CLVS2: variants seen among roughly 807,000 people sequenced by gnomAD.
CLVS2 encodes clavesin 2.
Under a neutral mutation model 29.0 loss-of-function variants are expected in CLVS2, and 19 were observed. The observed-to-expected ratio is 0.66, with a 90% confidence interval of 0.46 to 0.96. The LOEUF is 0.96. CLVS2 is among the 40% of genes least tolerant of loss of function. The pLI is 0.00. For synonymous variants in CLVS2, 161 were observed against 151.3 expected (o/e 1.06, Z -0.47); for missense variants, 294 against 404.1 (o/e 0.73, Z 2.34).
intron 3 of CLVS2, among the ~76,000 whole-genome samples, chr6:123,026,902 G>A (rs571417928): frequency 6.6e-6 from 1 of 152,110 alleles, no homozygotes; most frequent in Non-Finnish European, 1.5e-5. Context: ...TAAACAATAT[G>A]CATTGTTCTT....
At chr6:123,021,507 C>T (rs1368910331) in intron 3 of CLVS2, among the ~76,000 whole-genome samples, 1 of 151,526 alleles carries the variant, frequency 6.6e-6, no homozygotes, top group East Asian at 1.9e-4. Flanking sequence ...GTTCTTAGTC[C>T]TCTGTATATA....
intron 2 of CLVS2, among the ~76,000 whole-genome samples, chr6:123,002,273 A>G (rs944955690): frequency 2.0e-5 from 3 of 152,148 alleles, no homozygotes; most frequent in African/African-American, 7.2e-5. Context: ...GAAGCTCTGG[A>G]AGGGGCAGAA....
At position 122,997,827 on chromosome 6, in the gene CLVS2, G is replaced by T. The variant is rs777766688; in HGVS notation, c.50G>T (p.Arg17Leu). The change falls in exon 2 of 6, where the codon CGC (arginine) becomes CTC (leucine). Residue 17 changes from arginine to leucine, a missense_variant. By Grantham distance (102) the Arg-to-Leu change is moderately radical. Around this residue, in one of 2 missense-constraint regions of CLVS2, gnomAD observed 212 missense variants for 336.4 expected, o/e 0.63. Transcript: ENST00000275162. ...GLSPETLEKARLELNENPDTL... is the reference protein window; with the variant it reads ...GLSPETLEKALLELNENPDTL... ...TCCCCTGAGACCCTGGAGAAAGCTC[G>T]CCTGGAGCTCAATGAAAACCCAGAC... 5 of 1,614,038 alleles carry T rather than the reference G, an allele frequency of 3.1e-6. No homozygotes were observed. The highest frequency in any genetic ancestry group is 3.4e-6 in the Non-Finnish European group (4 of 1,179,992).
At chr6:123,009,208 G>A (rs994360197) in intron 2 of CLVS2, among the ~76,000 whole-genome samples, 3 of 151,964 alleles carry the variant, frequency 2.0e-5, no homozygotes, top group Non-Finnish European at 4.4e-5. Flanking sequence ...CATGGCCAAT[G>A]AGATAATGAG....
chr6:123,059,868 G>T (rs1418488474), intron 5 of CLVS2, among the ~76,000 whole-genome samples: 2 of 152,108 alleles, frequency 1.3e-5, no homozygotes, highest in East Asian at 1.9e-4. Flanking sequence ...TACACACTTT[G>T]CTTGTAGCCC....
In CLVS2 at chr6:123,048,797, T is replaced by C. The variant is rs1772560486; in HGVS notation, c.675+65T>C. 3.2e-5 allele frequency: 30 copies of C among 948,122 alleles called. No individual in the cohort carries two copies. In the South Asian group the frequency reaches 3.6e-4, roughly 11 times the overall value. 58.7% of individuals were successfully genotyped at this position (948,122 alleles called of 1,614,324 possible). On this transcript the variant is annotated intron_variant, in intron 4 of 5. Coordinates refer to ENST00000275162, the MANE Select transcript of CLVS2 (RefSeq NM_001010852.4). ...ATCCAATGAATTATAATGCATAATG[T>C]GTATATAATGTTAGCTATAGTAAAA...
intron 1 of CLVS2, among the ~76,000 whole-genome samples, 177 bp downstream of exon 1, chr6:122,996,923 A>T (rs1055451218): frequency 6.6e-6 from 1 of 151,206 alleles, no homozygotes. Flanking sequence ...CCCCGCGGCA[A>T]GTCCGTGGAA....
intron 4 of CLVS2, among the ~76,000 whole-genome samples, chr6:123,049,640 C>T (rs1246423121): frequency 6.6e-6 from 1 of 152,152 alleles, no homozygotes; most frequent in African/African-American, 2.4e-5. Context: ...ATTAGTTCCA[C>T]AGCAAAATAC....
At chr6:123,027,781 G>T (rs1199261388) in intron 3 of CLVS2, among the ~76,000 whole-genome samples, 1 of 152,058 alleles carries the variant, frequency 6.6e-6, no homozygotes, top group Admixed American at 6.6e-5. Flanking sequence ...AATTTAGAAT[G>T]CTGCTTAAAG....
chr6:123,059,565 C>T (rs965673705), intron 5 of CLVS2, among the ~76,000 whole-genome samples: 1 of 152,150 alleles, frequency 6.6e-6, no homozygotes, highest in Non-Finnish European at 1.5e-5. Context: ...CTGGTATTGG[C>T]ACTTGCATTT....
At chr6:123,054,079 T>C (rs1772655635) in intron 4 of CLVS2, among the ~76,000 whole-genome samples, 2 of 152,018 alleles carry the variant, frequency 1.3e-5, no homozygotes, top group Admixed American at 6.6e-5. Context: ...AGAGAGGAAG[T>C]AGCGTGCTAG....
chr6:123,036,538 C>A (rs965636689), intron 3 of CLVS2, among the ~76,000 whole-genome samples: 2 of 152,114 alleles, frequency 1.3e-5, no homozygotes, highest in Non-Finnish European at 2.9e-5. Flanking sequence ...CCAAGCTGAA[C>A]GCTTGCTTCT....
rs548031208 is a variant in CLVS2, at chr6:122,999,662, C to T, written c.389+1496C>T. Among the ~76,000 whole-genome samples, 3 of 152,158 alleles carry T rather than the reference C, an allele frequency of 2.0e-5. No homozygotes were observed. The South Asian group carries it at 6.2e-4, about 32-fold the overall frequency. ...AAATCAATGACTGTGTATAACAGAA[C>T]TGAAAAATTTTATTCAAGGAAAAAA... On this transcript the variant is annotated intron_variant, in intron 2 of 5. Coordinates refer to ENST00000275162, the MANE Select transcript of CLVS2 (RefSeq NM_001010852.4).
chr6:123,002,586 TAATAAAATAA>T (rs150606484), intron 2 of CLVS2, among the ~76,000 whole-genome samples: 11 of 144,162 alleles, frequency 7.6e-5, no homozygotes, highest in South Asian at 2.2e-4. Context: ...GTACTAAAAA[TAATAAAATAA>T]AATAAAATAA....
rs868732266 is a variant in CLVS2 at position 123,069,977 on chromosome 6, A to C, written c.*6216A>C. On this transcript the variant is annotated 3_prime_UTR_variant, in exon 6 of 6. Coordinates refer to ENST00000275162, the MANE Select transcript of CLVS2 (RefSeq NM_001010852.4). ...TTAAGAAAAAAATCCTATGTTATAC[A>C]TATATGAACATAATTCACTTAGTTG... The C allele has an allele frequency of 6.6e-6, 1 of 152,020 alleles. No homozygotes were observed. Among genetic ancestry groups the C allele is most frequent in the Admixed American group, 6.6e-5 (1 of 15,214 alleles). The allele number at this position is 152,020 out of a possible 1,614,324, so 9.4% of individuals were successfully genotyped here. A position where few individuals can be genotyped will look rare whatever the true frequency, so the allele number is the denominator to read the frequency against.
intron 4 of CLVS2, among the ~76,000 whole-genome samples, chr6:123,051,981 C>T (rs1047048263): frequency 6.6e-6 from 1 of 152,098 alleles, no homozygotes; most frequent in Non-Finnish European, 1.5e-5. Context: ...CTGCCTGGTC[C>T]AGAGATGCAA....
chr6:123,009,390 G>A (rs1441648532), intron 2 of CLVS2, among the ~76,000 whole-genome samples: 1 of 152,084 alleles, frequency 6.6e-6, no homozygotes, highest in African/African-American at 2.4e-5. Context: ...GTTCCAAACT[G>A]CTGATTTTAC....
At position 123,028,729 on chromosome 6, in the gene CLVS2, G is replaced by A. The variant is rs575077705; in HGVS notation, c.564+17570G>A. On this transcript the variant is annotated intron_variant, in intron 3 of 5. Coordinates refer to ENST00000275162, the MANE Select transcript of CLVS2 (RefSeq NM_001010852.4). ...GCGCCTGTTTCTTTGAACACTGGAA[G>A]CTATCTGATATTATTCATTTTTATA... Among the ~76,000 whole-genome samples, 4 of 152,240 alleles carry A rather than the reference G, an allele frequency of 2.6e-5. No individual in the cohort carries two copies. The South Asian group carries it at 8.3e-4, about 32-fold the overall frequency.
intron 3 of CLVS2, among the ~76,000 whole-genome samples, chr6:123,040,089 T>A (rs1220874606): frequency 2.0e-5 from 3 of 152,094 alleles, no homozygotes; most frequent in African/African-American, 7.2e-5. Context: ...GTGGGTTGTA[T>A]CTGAAGTGCT....
Sources: allele counts gnomAD v4.1 joint callset (sites outside exome capture counted in the v4.1 genomes callset), GRCh38; gene constraint gnomAD v4.1.1; regional missense constraint gnomAD v4.1.1; transcripts MANE v1.5; gene names NCBI Gene and HGNC (gene_info 2026-07-23, HGNC 2026-07-21).